CC2D2A: variants seen among roughly 807,000 people sequenced by gnomAD.
CC2D2A encodes coiled-coil and C2 domain-containing protein 2A.
In CC2D2A, 155 loss-of-function variants were observed where a neutral mutation model predicts 212.9. The ratio of observed to expected loss-of-function variants is 0.73; its 90% CI spans 0.64 to 0.83. The LOEUF (loss-of-function observed/expected upper bound fraction) is 0.83. Ranked by LOEUF, CC2D2A falls within the 40% of genes least tolerant of loss-of-function variation. The pLI is 0.00. For missense variants in CC2D2A, 1,856 were observed against 1,956.2 expected, an observed-to-expected ratio of 0.95 and a Z score of 0.97; for synonymous variants, 667 against 686.5, an observed-to-expected ratio of 0.97 and a Z score of 0.44.
At chr4:15,507,050 T>A (rs1340527504) in intron 6 of CC2D2A, among the ~76,000 whole-genome samples, 4 of 149,796 alleles carry the variant, frequency 2.7e-5, no homozygotes, top group Non-Finnish European at 5.9e-5. Flanking sequence ...TGCACTCCAG[T>A]CTGGGTGACA....
chr4:15,497,923 C>T (rs992610675), intron 4 of CC2D2A, among the ~76,000 whole-genome samples: 1 of 152,126 alleles, frequency 6.6e-6, no homozygotes, highest in African/African-American at 2.4e-5. Flanking sequence ...GGATTCTGGA[C>T]CACATCAATT....
chr4:15,528,967 G>C (rs976737907), intron 13 of CC2D2A, among the ~76,000 whole-genome samples: 1 of 152,218 alleles, frequency 6.6e-6, no homozygotes, highest in Non-Finnish European at 1.5e-5. Context: ...CCGCTTCTGA[G>C]AGCAGCTTGG....
At chr4:15,568,401 G>A (rs981705205) in intron 26 of CC2D2A, among the ~76,000 whole-genome samples, 12 of 152,324 alleles carry the variant, frequency 7.9e-5, no homozygotes, top group African/African-American at 1.7e-4. Context: ...GGTGGCTCAC[G>A]CCTGTAATCC....
chr4:15,600,903 CAAAAAAAAAAAA>C, intron 36 of CC2D2A, among the ~76,000 whole-genome samples: 1 of 93,006 alleles, frequency 1.1e-5, no homozygotes, highest in South Asian at 3.8e-4. Context: ...AGACCTGTCT[CAAAAAAAAAAAA>C]AAAAAAGAAA....
At chr4:15,499,096 A>G (rs1715777229) in intron 4 of CC2D2A, among the ~76,000 whole-genome samples, 1 of 152,200 alleles carries the variant, frequency 6.6e-6, no homozygotes, top group Admixed American at 6.5e-5. Flanking sequence ...AGTGGTTGCC[A>G]GAAAGTAGAG....
At chr4:15,549,873 G>C (rs1718907645) in intron 17 of CC2D2A, among the ~76,000 whole-genome samples, 1 of 152,158 alleles carries the variant, frequency 6.6e-6, no homozygotes, top group South Asian at 2.1e-4. Flanking sequence ...TGTCATCTTT[G>C]TGCATTCAAG....
chr4:15,598,137 CCAAA>C (rs565118198), intron 35 of CC2D2A, among the ~76,000 whole-genome samples: 85 of 152,350 alleles, frequency 5.6e-4, no homozygotes, highest in African/African-American at 1.9e-3. Flanking sequence ...CAACTAATCT[CCAAA>C]CAACCTTTTT....
chr4:15,506,427 A>AT (rs1211804522), intron 6 of CC2D2A, among the ~76,000 whole-genome samples: 4 of 152,150 alleles, frequency 2.6e-5, no homozygotes, highest in African/African-American at 4.8e-5. Context: ...ATTTCCACAT[A>AT]TTTTGCCACA....
intron 2 of CC2D2A, among the ~76,000 whole-genome samples, chr4:15,476,545 A>G (rs1714226547): frequency 6.6e-6 from 1 of 152,212 alleles, no homozygotes; most frequent in Non-Finnish European, 1.5e-5. Flanking sequence ...GTTGAAGGAA[A>G]TGCAGTCCTG....
At chr4:15,506,852 TCAC>T (rs1716284888) in intron 6 of CC2D2A, among the ~76,000 whole-genome samples, 1 of 151,700 alleles carries the variant, frequency 6.6e-6, no homozygotes, top group African/African-American at 2.4e-5. Flanking sequence ...GGCGGGCGGA[TCAC>T]GAGGTCAGGA....
At chr4:15,570,123 A>G (rs1720088520) in intron 27 of CC2D2A, among the ~76,000 whole-genome samples, 1 of 152,226 alleles carries the variant, frequency 6.6e-6, no homozygotes, top group Non-Finnish European at 1.5e-5. Context: ...CAGGAATTGT[A>G]CTAGGTGCTT....
In CC2D2A at chr4:15,511,412, G is replaced by A. The variant is rs772346048; in HGVS notation, c.706G>A (p.Gly236Arg). The A allele has an allele frequency of 6.5e-7, 1 of 1,542,052 alleles. No homozygotes were observed. The highest frequency in any genetic ancestry group is 1.3e-5 in the South Asian group (1 of 77,646). ...AGAAGAACCACCTGCACAAGGAGGA[G>A]GAAAGGAAATGGTATTTAATATCAG... ...EEEEPPAQGG[G>R]KEMDEEELLN... The change falls in exon 8 of 37, where the codon GGA becomes AGA. Residue 236 changes from glycine (G) to arginine (R), a missense_variant. Physicochemically the swap from Gly to Arg is moderately radical, Grantham distance 125 (BLOSUM62 -2). Around this residue, in one of 5 missense-constraint regions of CC2D2A, gnomAD observed 1,512 missense variants for 1,579.3 expected, o/e 0.96. Coordinates refer to ENST00000424120, the MANE Select transcript of CC2D2A (RefSeq NM_001378615.1).
Position 15,597,392 on chromosome 4 carries a change from T to A in CC2D2A, c.4438-15T>A, listed in dbSNP as rs1189858548. ...GGTGATTTTTATACTTTCTGAACTATTTTCTCTTCTATAGCCTGAAGAGCT... is the reference window on the plus strand; with the variant it reads ...GGTGATTTTTATACTTTCTGAACTAATTTCTCTTCTATAGCCTGAAGAGCT... On this transcript the variant is annotated splice_polypyrimidine_tract_variant and intron_variant, in intron 34 of 36. Transcript: ENST00000424120. 1 of 1,541,742 alleles carries A rather than the reference T, an allele frequency of 6.5e-7. No individual in the cohort carries two copies. Among genetic ancestry groups the A allele is most frequent in the Admixed American group, 2.0e-5 (1 of 49,724 alleles).
chr4:15,558,736 G>C, intron 21 of CC2D2A, among the ~76,000 whole-genome samples: 1 of 152,172 alleles, frequency 6.6e-6, no homozygotes, highest in Non-Finnish European at 1.5e-5. Flanking sequence ...GGCCTGAGCA[G>C]ACAAAGCCAG....
At chr4:15,588,215 C>T (rs2109090745) in intron 32 of CC2D2A, among the ~76,000 whole-genome samples, 1 of 152,224 alleles carries the variant, frequency 6.6e-6, no homozygotes, top group Non-Finnish European at 1.5e-5. Flanking sequence ...GGGCCTCTTC[C>T]CAGCCATGTT....
intron 4 of CC2D2A, among the ~76,000 whole-genome samples, chr4:15,488,932 A>G (rs1715153477): frequency 1.3e-5 from 2 of 152,246 alleles, no homozygotes; most frequent in African/African-American, 4.8e-5. Flanking sequence ...TAAAGAAAGC[A>G]TCTCCCTGAA....
Position 15,570,402 on chromosome 4 carries a change from A to T in CC2D2A, c.3500A>T (p.Asp1167Val). ...DEVLHDVLED[D>V]RERGSGIHTR... Reference sequence around the variant, plus strand: ...TACTTCCCACCCTTCCTTTAGGATGACCGTGAAAGAGGAAGTGGAATCCAT... The same window carrying T: ...TACTTCCCACCCTTCCTTTAGGATGTCCGTGAAAGAGGAAGTGGAATCCAT... The change falls in exon 28 of 37, where the codon GAC (aspartate) becomes GTC (valine). Residue 1167 changes from aspartate (D) to valine (V), a missense_variant. Asp to Val is a radical substitution (Grantham distance 152, BLOSUM62 -3). Around this residue, in one of 5 missense-constraint regions of CC2D2A, gnomAD observed 1,512 missense variants for 1,579.3 expected, o/e 0.96. Transcript: ENST00000424120. 1 of 1,591,072 alleles carries T rather than the reference A, an allele frequency of 6.3e-7. No individual in the cohort carries two copies. The highest frequency in any genetic ancestry group is 1.1e-5 in the South Asian group (1 of 88,350).
At chr4:15,511,161 A>G (rs1343375488) in intron 7 of CC2D2A, 86 bp from the exon 8 acceptor site, 2 of 1,400,168 alleles carry the variant, frequency 1.4e-6, no homozygotes, top group Non-Finnish European at 1.9e-6. Context: ...TGATCTCATT[A>G]GCATTAAGCC....
At position 15,586,219 on chromosome 4, in the gene CC2D2A, T is replaced by C. The variant is rs1720849840; in HGVS notation, c.4038T>C (p.Gly1346=). The change falls in exon 31 of 37, where the codon GGT becomes GGC. Residue 1346 remains glycine (G), a synonymous_variant. Coordinates refer to ENST00000424120, the MANE Select transcript of CC2D2A (RefSeq NM_001378615.1). ...PFLPDTVSFG[G]ICDLWSTSDQ... is the part of the protein sequence containing the mutation. Reference sequence around the variant, plus strand: ...TGCCTGACACTGTCTCATTTGGTGGTATCTGTGACCTCTGGAGCACATCTG... The same window carrying C: ...TGCCTGACACTGTCTCATTTGGTGGCATCTGTGACCTCTGGAGCACATCTG... The C allele has an allele frequency of 1.2e-6, 2 of 1,608,188 alleles. No individual in the cohort carries two copies. Among genetic ancestry groups the C allele is most frequent in the East Asian group, 2.2e-5 (1 of 44,720 alleles).
Sources: gnomAD v4.1 joint callset for allele counts (sites outside exome capture counted in the v4.1 genomes callset) on GRCh38, gnomAD v4.1.1 for gene constraint, gnomAD v4.1.1 regional missense constraint, MANE v1.5 for transcripts, NCBI Gene and HGNC (gene_info 2026-07-23, HGNC 2026-07-21) for gene names.